PKHD1L1: variants seen among roughly 807,000 people sequenced by gnomAD.
The protein encoded by PKHD1L1 is PKHD1 like 1.
PKHD1L1 carries 434 observed loss-of-function variants against 462.9 expected under a neutral mutation model. That is an observed-to-expected ratio of 0.94 (90% CI 0.87 to 1.02). The LOEUF is 1.02. Ranked by LOEUF, PKHD1L1 falls within the 50% of genes least tolerant of loss-of-function variation. PKHD1L1 has a pLI of 0.00. For missense variants in PKHD1L1, 5,202 were observed against 5,096.1 expected (o/e 1.02, Z -0.63); for synonymous variants, 1,781 against 1,750.0 (o/e 1.02, Z -0.44).
rs1000364997 is a variant in PKHD1L1 at position 109,531,903 on chromosome 8, A to G, written c.*1813A>G. On this transcript the variant is annotated 3_prime_UTR_variant, in exon 78 of 78. Coordinates refer to ENST00000378402, the MANE Select transcript of PKHD1L1 (RefSeq NM_177531.6). ...CCAACATGGGCCATTTCACGCTGAG[A>G]CTTAAAAATCAGTCTTCCTAAGGCA... 1.2e-4 allele frequency among the ~76,000 whole-genome samples: 19 copies of G among 152,170 alleles called. 1 individual carries two copies. Among genetic ancestry groups the G allele is most frequent in the Non-Finnish European group, 4.4e-5 (3 of 68,034 alleles).
chr8:109,405,651 C>T (rs1054285499), intron 16 of PKHD1L1, among the ~76,000 whole-genome samples: 2 of 150,470 alleles, frequency 1.3e-5, no homozygotes, highest in Admixed American at 6.6e-5. Flanking sequence ...AACACATGGA[C>T]ACAGGGAGGG....
intron 16 of PKHD1L1, 85 bp from the exon 17 acceptor site, chr8:109,406,250 T>C: frequency 3.0e-6 from 4 of 1,315,866 alleles, no homozygotes; most frequent in Non-Finnish European, 4.1e-6. Flanking sequence ...AAAATATAAA[T>C]ACGAGACATC....
At position 109,535,458 on chromosome 8, in the gene PKHD1L1, C is replaced by T. The variant is rs61132431; in HGVS notation, c.*5368C>T. On this transcript the variant is annotated 3_prime_UTR_variant, in exon 78 of 78. Transcript: ENST00000378402. ...AGGATTTAATTTCAAATAAGAACTA[C>T]GTACAAAATATAGATTTAAATTAAT... 0.022 allele frequency among the ~76,000 whole-genome samples: 3,272 copies of T among 152,180 alleles called. 113 individuals are homozygous for T. Among genetic ancestry groups the T allele is most frequent in the African/African-American group, 0.074 (3,067 of 41,504 alleles).
chr8:109,502,520 G>A (rs57343284), intron 67 of PKHD1L1, among the ~76,000 whole-genome samples: 15 of 151,898 alleles, frequency 9.9e-5, no homozygotes, highest in African/African-American at 2.7e-4. Context: ...ACTTAGCATC[G>A]CACTTTGTTT....
At chr8:109,474,592 T>A (rs939870586) in intron 50 of PKHD1L1, among the ~76,000 whole-genome samples, 2 of 152,130 alleles carry the variant, frequency 1.3e-5, no homozygotes, top group African/African-American at 2.4e-5. Flanking sequence ...TAGTAAACAT[T>A]AATATGTGTT....
At chr8:109,410,731 T>C (rs12549607) in intron 19 of PKHD1L1, among the ~76,000 whole-genome samples, 8 of 63,314 alleles carry the variant, frequency 1.3e-4, no homozygotes, top group South Asian at 8.5e-4. Context: ...TTTTTCTTTT[T>C]TTTTTTTTTT....
intron 53 of PKHD1L1, among the ~76,000 whole-genome samples, 192 bp from the exon 54 acceptor site, chr8:109,479,359 A>C (rs1818155649): frequency 6.6e-6 from 1 of 152,058 alleles, no homozygotes. Flanking sequence ...GAATCTAGCC[A>C]ACTATATCCT....
At position 109,408,130 on chromosome 8, in the gene PKHD1L1, C is replaced by A; in HGVS notation, c.1895C>A (p.Pro632His). The A allele has an allele frequency of 6.2e-7, 1 of 1,613,096 alleles. No individual in the cohort carries two copies. ...ATTACAGAACAAACCAAAGGAAAACCCAACTTGGAGACATTCACACTGAAT... is the reference window on the plus strand; with the variant it reads ...ATTACAGAACAAACCAAAGGAAAACACAACTTGGAGACATTCACACTGAAT... ...LDITEQTKGK[P>H]NLETFTLNWD... The change falls in exon 18 of 78, where the codon CCC becomes CAC. Residue 632 changes from proline to histidine, a missense_variant. Pro to His is a moderately conservative substitution (Grantham distance 77, BLOSUM62 -2). Transcript: ENST00000378402.
intron 10 of PKHD1L1, among the ~76,000 whole-genome samples, chr8:109,395,152 A>G (rs1870109): frequency 0.56 from 84,917 of 152,062 alleles, 23,886 homozygotes; most frequent in South Asian, 0.65. Flanking sequence ...CATTATTTTT[A>G]AATCATTGTA....
At chr8:109,453,262 G>A (rs1462235778) in intron 43 of PKHD1L1, among the ~76,000 whole-genome samples, 2 of 152,064 alleles carry the variant, frequency 1.3e-5, no homozygotes, top group Admixed American at 1.3e-4. Flanking sequence ...TGATGTAGTG[G>A]GTCCCAGGAA....
At chr8:109,374,861 G>A (rs1374571431) in intron 2 of PKHD1L1, among the ~76,000 whole-genome samples, 5 of 151,524 alleles carry the variant, frequency 3.3e-5, no homozygotes, top group Non-Finnish European at 5.9e-5. Context: ...AGTTTCTGCC[G>A]AGAGATCAGC....
At chr8:109,394,249 CAT>C (rs1175243325) in intron 9 of PKHD1L1, among the ~76,000 whole-genome samples, 164 bp from the exon 10 acceptor site, 2 of 147,856 alleles carry the variant, frequency 1.4e-5, no homozygotes, top group Non-Finnish European at 3.0e-5. Flanking sequence ...AATGTATACA[CAT>C]ATGTCACCAA....
intron 2 of PKHD1L1, among the ~76,000 whole-genome samples, chr8:109,376,982 C>T (rs530553812): frequency 6.6e-6 from 1 of 152,206 alleles, no homozygotes; most frequent in Non-Finnish European, 1.5e-5. Context: ...GCTTTGATAT[C>T]TGATGAACAT....
At chr8:109,406,572 G>T in intron 17 of PKHD1L1, 94 bp downstream of exon 17, 2 of 1,328,050 alleles carry the variant, frequency 1.5e-6, no homozygotes, top group Admixed American at 3.3e-5. Context: ...AAAAAGACTT[G>T]GTTAATCTTA....
Position 109,433,212 on chromosome 8 carries a change from G to A in PKHD1L1, c.3336G>A (p.Val1112=). The change falls in exon 28 of 78, where the codon GTG becomes GTA. Residue 1112 remains valine (V), a synonymous_variant. Transcript: ENST00000378402. ...CAGTAGGTTGTTCTCTTCTTTCTGT[G>A]GATGGTAGGTCCTTTTAAAAACTAT... The part of the protein sequence containing the change: ...VGPVGCSLLS[V]DEKELKCQIL... 6.2e-7 allele frequency: 1 copy of A among 1,605,378 alleles called. No individual in the cohort carries two copies. The highest frequency in any genetic ancestry group is 8.5e-7 in the Non-Finnish European group (1 of 1,173,288).
chr8:109,363,297 GATATGAATGTGCGGGAATAAGA>G (rs1324555633), intron 1 of PKHD1L1, among the ~76,000 whole-genome samples: 1 of 152,166 alleles, frequency 6.6e-6, no homozygotes, highest in African/African-American at 2.4e-5. Flanking sequence ...GCTGCCCTGA[GATATGAATGTGCGGGAATAAGA>G]ACACCTTGGA....
At chr8:109,474,552 A>G (rs1345874506) in intron 50 of PKHD1L1, among the ~76,000 whole-genome samples, 1 of 152,152 alleles carries the variant, frequency 6.6e-6, no homozygotes, top group Admixed American at 6.6e-5. Flanking sequence ...CTAAATCAAA[A>G]CACCATTAAA....
chr8:109,478,414 T>C (rs1748044371), intron 53 of PKHD1L1, among the ~76,000 whole-genome samples: 1 of 152,006 alleles, frequency 6.6e-6, no homozygotes, highest in South Asian at 2.1e-4. Context: ...AGATAAAGTA[T>C]GTAAGTGTGA....
chr8:109,456,687 T>C (rs557427273), intron 46 of PKHD1L1, among the ~76,000 whole-genome samples: 125 of 152,292 alleles, frequency 8.2e-4, no homozygotes, highest in African/African-American at 2.8e-3. Context: ...AAGAATCTAT[T>C]TGGAAAAAAG....
Sources: allele counts gnomAD v4.1 joint callset (sites outside exome capture counted in the v4.1 genomes callset), GRCh38; gene constraint gnomAD v4.1.1; transcripts MANE v1.5; gene names NCBI Gene and HGNC (gene_info 2026-07-23, HGNC 2026-07-21).